EPHA6: variants seen among roughly 807,000 people sequenced by gnomAD.
EPHA6 encodes ephrin type-A receptor 6.
In EPHA6, 50 loss-of-function variants were observed where a neutral mutation model predicts 112.0. That is an observed-to-expected ratio of 0.45 (90% confidence interval 0.36 to 0.56). The LOEUF is 0.56. EPHA6 is among the 20% of genes least tolerant of loss of function. The probability of loss-of-function intolerance (pLI) is 0.00; values close to 1 mark genes in which losing one functional copy is unlikely to be tolerated. For synonymous variants in EPHA6, 529 were observed against 490.7 expected, an observed-to-expected ratio of 1.08 and a Z score of -1.03; for missense variants, 1,280 against 1,417.4, an observed-to-expected ratio of 0.90 and a Z score of 1.56.
chr3:97,413,879 A>G (rs1033735035), intron 6 of EPHA6, among the ~76,000 whole-genome samples: 3 of 151,990 alleles, frequency 2.0e-5, no homozygotes, highest in Non-Finnish European at 2.9e-5. Context: ...ATGTTATCTA[A>G]CCCTTAGCAA....
At chr3:96,937,953 T>C (rs1292618204) in intron 2 of EPHA6, among the ~76,000 whole-genome samples, 2 of 152,228 alleles carry the variant, frequency 1.3e-5, no homozygotes, top group Non-Finnish European at 2.9e-5. Flanking sequence ...CTCTGTTCTG[T>C]TCCATTGGTC....
chr3:97,737,010 A>G (rs2035291324), intron 16 of EPHA6, among the ~76,000 whole-genome samples: 3 of 152,004 alleles, frequency 2.0e-5, no homozygotes, highest in Non-Finnish European at 4.4e-5. Flanking sequence ...GAGGCTCTTC[A>G]AGGACTATTT....
At chr3:97,368,143 G>A (rs924603093) in intron 5 of EPHA6, among the ~76,000 whole-genome samples, 1 of 152,080 alleles carries the variant, frequency 6.6e-6, no homozygotes, top group Non-Finnish European at 1.5e-5. Flanking sequence ...ATATTATAAA[G>A]AATTGAATGC....
intron 5 of EPHA6, among the ~76,000 whole-genome samples, chr3:97,245,147 G>A (rs182815267): frequency 6.6e-6 from 1 of 152,142 alleles, no homozygotes; most frequent in African/African-American, 2.4e-5. Flanking sequence ...TGCTAAGGCA[G>A]CCATAACAAA....
chr3:97,250,875 T>C (rs576637644), intron 5 of EPHA6, among the ~76,000 whole-genome samples: 94 of 152,190 alleles, frequency 6.2e-4, no homozygotes, highest in East Asian at 1.2e-3. Context: ...CTTTTTTTTT[T>C]TCTCTTTTTT....
intron 6 of EPHA6, among the ~76,000 whole-genome samples, chr3:97,416,541 T>C (rs928126886): frequency 2.6e-5 from 4 of 151,970 alleles, no homozygotes; most frequent in African/African-American, 9.7e-5. Context: ...CTTGGCAAGT[T>C]GAAGGAAGAG....
chr3:97,066,278 G>A (rs1354750812), intron 3 of EPHA6, among the ~76,000 whole-genome samples: 1 of 151,750 alleles, frequency 6.6e-6, no homozygotes. Context: ...TTTCCTAATA[G>A]GATCTCCTCG....
At position 96,884,098 on chromosome 3, in the gene EPHA6, A is replaced by G. The variant is rs148366139; in HGVS notation, c.450+17209A>G. On this transcript the variant is annotated intron_variant, in intron 2 of 17. Coordinates refer to ENST00000389672, the MANE Select transcript of EPHA6 (RefSeq NM_001080448.3). ...TCTATGTGCCTGTTTTTGTGCCAGT[A>G]CTATGCTGTTTTGGTGACTATGGCC... Among the ~76,000 whole-genome samples the G allele has an allele frequency of 7.1e-3, 1,077 of 152,242 alleles. 4 individuals are homozygous for G. Among genetic ancestry groups the G allele is most frequent in the Middle Eastern group, 0.02 (6 of 294 alleles).
chr3:96,921,270 G>A (rs2039747576), intron 2 of EPHA6, among the ~76,000 whole-genome samples: 1 of 151,794 alleles, frequency 6.6e-6, no homozygotes, highest in Non-Finnish European at 1.5e-5. Flanking sequence ...TACATAAATA[G>A]AAGAGCATAT....
chr3:97,115,908 A>G (rs2047874514), intron 3 of EPHA6, among the ~76,000 whole-genome samples: 1 of 151,832 alleles, frequency 6.6e-6, no homozygotes, highest in African/African-American at 2.4e-5. Flanking sequence ...AATCACCCTT[A>G]TATTGCCTAA....
intron 3 of EPHA6, among the ~76,000 whole-genome samples, chr3:97,112,704 A>AT (rs1228906731): frequency 6.6e-6 from 1 of 152,008 alleles, no homozygotes; most frequent in African/African-American, 2.4e-5. Context: ...TGCCCAAGCA[A>AT]TATTTCTTAG....
chr3:97,027,838 T>G (rs1559679223), intron 3 of EPHA6, among the ~76,000 whole-genome samples: 1 of 152,190 alleles, frequency 6.6e-6, no homozygotes, highest in Non-Finnish European at 1.5e-5. Context: ...GTAAATTATC[T>G]TACTGATGAC....
intron 1 of EPHA6, among the ~76,000 whole-genome samples, chr3:96,838,931 T>C (rs543785656): frequency 6.6e-6 from 1 of 152,244 alleles, no homozygotes; most frequent in African/African-American, 2.4e-5. Flanking sequence ...TGGTCATTTC[T>C]TGGTAGATAT....
chr3:97,124,223 A>T (rs2048118436), intron 3 of EPHA6, among the ~76,000 whole-genome samples: 1 of 151,976 alleles, frequency 6.6e-6, no homozygotes, highest in Non-Finnish European at 1.5e-5. Context: ...CCCAAATAAC[A>T]TTTAATGCCA....
chr3:97,252,958 A>G (rs1310370663), intron 5 of EPHA6, among the ~76,000 whole-genome samples: 1 of 152,158 alleles, frequency 6.6e-6, no homozygotes, highest in African/African-American at 2.4e-5. Context: ...CAATATAATC[A>G]ATGATTCTGA....
Position 97,047,366 on chromosome 3 carries a change from G to C in EPHA6, c.1114+59373G>C, listed in dbSNP as rs143630395. Among the ~76,000 whole-genome samples the C allele has an allele frequency of 5.3e-3, 805 of 151,844 alleles. 6 individuals carry two copies. Among genetic ancestry groups the C allele is most frequent in the African/African-American group, 0.018 (726 of 41,452 alleles). On this transcript the variant is annotated intron_variant, in intron 3 of 17. Transcript: ENST00000389672. ...ATACAAAAAATTAGCTGGGCGTGGT[G>C]GTGGGCACCTGTGGTCCCACCTACT...
intron 2 of EPHA6, among the ~76,000 whole-genome samples, chr3:96,977,180 A>T (rs2042561562): frequency 6.6e-6 from 1 of 152,208 alleles, no homozygotes; most frequent in Non-Finnish European, 1.5e-5. Context: ...ATCTTTACAA[A>T]GTAGACTGGT....
At chr3:97,693,361 C>A (rs2032798799) in intron 14 of EPHA6, among the ~76,000 whole-genome samples, 1 of 152,022 alleles carries the variant, frequency 6.6e-6, no homozygotes, top group African/African-American at 2.4e-5. Context: ...TAATCAGAAG[C>A]CTGAAATAAA....
At chr3:97,598,313 G>A (rs985871674) in intron 12 of EPHA6, among the ~76,000 whole-genome samples, 23 of 150,878 alleles carry the variant, frequency 1.5e-4, no homozygotes, top group Non-Finnish European at 3.1e-4. Context: ...TGTGCACATT[G>A]TGCAGGTTAA....
Sources: gnomAD v4.1 joint callset for allele counts (sites outside exome capture counted in the v4.1 genomes callset) on GRCh38, gnomAD v4.1.1 for gene constraint, MANE v1.5 for transcripts, NCBI Gene and HGNC (gene_info 2026-07-23, HGNC 2026-07-21) for gene names.